Variants in APBB2 observed in about 807,000 individuals in gnomAD.
APBB2 encodes the protein amyloid beta precursor protein binding family B member 2.
APBB2 carries 38 observed loss-of-function variants against 82.5 expected under a neutral mutation model. The observed-to-expected ratio is 0.46, with a 90% CI of 0.36 to 0.60. The LOEUF is 0.60. APBB2 is among the 20% of genes least tolerant of loss of function. APBB2 has a pLI of 0.00. For missense variants in APBB2, 772 were observed against 972.3 expected (o/e 0.79, Z 2.74); for synonymous variants, 341 against 368.2 (o/e 0.93, Z 0.85).
intron 10 of APBB2, among the ~76,000 whole-genome samples, chr4:40,931,431 C>A (rs1578529347): frequency 6.6e-6 from 1 of 152,122 alleles, no homozygotes; most frequent in African/African-American, 2.4e-5. Flanking sequence ...ACACCACACC[C>A]AGCTATTTTT....
At chr4:40,985,161 T>C (rs1800085533) in intron 6 of APBB2, among the ~76,000 whole-genome samples, 1 of 152,142 alleles carries the variant, frequency 6.6e-6, no homozygotes, top group Admixed American at 6.6e-5. Context: ...ATGATCCTCT[T>C]GCCTCAGCCT....
At chr4:41,071,156 T>C (rs1733746896) in intron 3 of APBB2, among the ~76,000 whole-genome samples, 1 of 152,254 alleles carries the variant, frequency 6.6e-6, no homozygotes, top group South Asian at 2.1e-4. Flanking sequence ...TATTTTAAGA[T>C]ATGTAATAGC....
chr4:40,904,104 A>G (rs1161730661), intron 10 of APBB2, among the ~76,000 whole-genome samples: 1 of 152,118 alleles, frequency 6.6e-6, no homozygotes, highest in Non-Finnish European at 1.5e-5. Context: ...CCCGCAGCCC[A>G]GGGTCTTTTC....
chr4:41,057,676 T>G (rs1728303584), intron 4 of APBB2, among the ~76,000 whole-genome samples: 1 of 152,220 alleles, frequency 6.6e-6, no homozygotes, highest in South Asian at 2.1e-4. Context: ...CAGAGTTCAC[T>G]TCTCCTGAGG....
intron 6 of APBB2, among the ~76,000 whole-genome samples, chr4:40,950,819 GGTGACAGAGCAAGACTCC>G (rs1241270546): frequency 6.6e-6 from 1 of 151,274 alleles, no homozygotes; most frequent in Non-Finnish European, 1.5e-5. Context: ...CTCCAACTTG[GGTGACAGAGCAAGACTCC>G]GTCTCAAAAA....
At chr4:40,993,978 G>T (rs953857436) in intron 6 of APBB2, among the ~76,000 whole-genome samples, 6 of 152,066 alleles carry the variant, frequency 3.9e-5, no homozygotes, top group African/African-American at 1.2e-4. Flanking sequence ...TAGGGCCCAG[G>T]TATCTACATT....
At position 41,098,775 on chromosome 4, in the gene APBB2, C is replaced by G. The variant is rs577901633; in HGVS notation, c.-149+1864G>C. 6.6e-5 allele frequency among the ~76,000 whole-genome samples: 10 copies of G among 152,302 alleles called. 1 individual carries two copies. In the Middle Eastern group the frequency reaches 0.017, roughly 259 times the overall value. ...AAAGGCAGCTTAAGTAGCTTACTTT[C>G]TGAAGCTAAGTTACATTTGCAATCT... On this transcript the variant is annotated intron_variant, in intron 3 of 17. Coordinates refer to ENST00000508593, the MANE Select transcript of APBB2 (RefSeq NM_004307.2).
intron 4 of APBB2, among the ~76,000 whole-genome samples, chr4:41,065,013 T>C (rs774753739): frequency 2.0e-5 from 3 of 152,138 alleles, no homozygotes; most frequent in Non-Finnish European, 2.9e-5. Context: ...AGACCAGGCA[T>C]GGTGGCTCAT....
intron 1 of APBB2, among the ~76,000 whole-genome samples, chr4:41,194,558 CT>C: frequency 6.6e-6 from 1 of 152,156 alleles, no homozygotes; most frequent in Non-Finnish European, 1.5e-5. Flanking sequence ...TGGCAGGCGC[CT>C]GTAGTCCCCG....
At chr4:40,977,318 GTT>G (rs60943146) in intron 6 of APBB2, among the ~76,000 whole-genome samples, 3 of 145,354 alleles carry the variant, frequency 2.1e-5, no homozygotes, top group Admixed American at 6.8e-5. Context: ...CAATATAGTT[GTT>G]TTTTTTTTTT....
intron 10 of APBB2, among the ~76,000 whole-genome samples, chr4:40,912,380 C>T (rs1778795442): frequency 6.6e-6 from 1 of 152,154 alleles, no homozygotes; most frequent in Non-Finnish European, 1.5e-5. Context: ...AGTTCGAGAC[C>T]AGCCTGGCCA....
At chr4:40,836,801 T>C (rs1161052364) in intron 12 of APBB2, among the ~76,000 whole-genome samples, 1 of 152,068 alleles carries the variant, frequency 6.6e-6, no homozygotes, top group Non-Finnish European at 1.5e-5. Flanking sequence ...GCCTGAGGAG[T>C]ACAGGAGTTA....
intron 3 of APBB2, among the ~76,000 whole-genome samples, chr4:41,079,477 G>A (rs570598465): frequency 6.6e-6 from 1 of 152,088 alleles, no homozygotes; most frequent in South Asian, 2.1e-4. Context: ...ATGGGGGAAG[G>A]TTAAGCTTTA....
At chr4:41,073,997 G>C (rs1264596257) in intron 3 of APBB2, among the ~76,000 whole-genome samples, 1 of 152,114 alleles carries the variant, frequency 6.6e-6, no homozygotes, top group African/African-American at 2.4e-5. Context: ...GTGATGACAC[G>C]TGCCTGTAGT....
At chr4:40,981,779 A>G (rs1798540991) in intron 6 of APBB2, among the ~76,000 whole-genome samples, 1 of 152,184 alleles carries the variant, frequency 6.6e-6, no homozygotes, top group South Asian at 2.1e-4. Flanking sequence ...CTATACGCAG[A>G]ACAAGCAGTA....
intron 1 of APBB2, among the ~76,000 whole-genome samples, chr4:41,182,662 A>C (rs1218282623): frequency 6.6e-6 from 1 of 152,220 alleles, no homozygotes; most frequent in Non-Finnish European, 1.5e-5. Flanking sequence ...ATTGACTCAC[A>C]GATCAGCATG....
At chr4:41,064,903 G>A (rs28431187) in intron 4 of APBB2, among the ~76,000 whole-genome samples, 25,132 of 152,100 alleles carry the variant, frequency 0.17, 2,297 homozygotes, top group Non-Finnish European at 0.21. Context: ...ACTGTGAAAC[G>A]TTTTTAATTT....
intron 10 of APBB2, among the ~76,000 whole-genome samples, chr4:40,922,736 G>C (rs1258335012): frequency 6.6e-6 from 1 of 151,838 alleles, no homozygotes; most frequent in Non-Finnish European, 1.5e-5. Context: ...TCAGCCTCCT[G>C]AGTAGCTGGG....
intron 7 of APBB2, among the ~76,000 whole-genome samples, chr4:40,937,480 G>T (rs1257188121): frequency 1.3e-5 from 2 of 152,176 alleles, no homozygotes; most frequent in Non-Finnish European, 2.9e-5. Flanking sequence ...CAGCTCTCAT[G>T]TTATGGAAAC....
Sources: gnomAD v4.1 joint callset for allele counts (sites outside exome capture counted in the v4.1 genomes callset) on GRCh38, gnomAD v4.1.1 for gene constraint, MANE v1.5 for transcripts, NCBI Gene and HGNC (gene_info 2026-07-23, HGNC 2026-07-21) for gene names.